The following SEMA5A variants were observed in gnomAD, a reference collection of about 807,000 sequenced individuals.
The protein encoded by SEMA5A is semaphorin 5A, also known as semaphorin-5A.
SEMA5A carries 55 observed loss-of-function variants against 135.5 expected under a neutral mutation model. That is an observed-to-expected ratio of 0.41 (90% CI 0.33 to 0.51). The LOEUF is 0.51. Among genes scored for constraint, SEMA5A ranks in the 20% least tolerant of loss-of-function variants. The probability of loss-of-function intolerance (pLI) is 0.37; values close to 1 mark genes in which losing one functional copy is unlikely to be tolerated. For missense variants in SEMA5A, 1,290 were observed against 1,419.9 expected (o/e 0.91, Z 1.47); for synonymous variants, 580 against 546.5 (o/e 1.06, Z -0.85).
At chr5:9,435,037 G>C (rs540853710) in intron 2 of SEMA5A, among the ~76,000 whole-genome samples, 2 of 152,156 alleles carry the variant, frequency 1.3e-5, no homozygotes, top group African/African-American at 2.4e-5. Flanking sequence ...TAATAAAAAA[G>C]AAAAATTTAA....
chr5:9,358,936 C>T (rs545443510), intron 3 of SEMA5A, among the ~76,000 whole-genome samples: 1 of 137,804 alleles, frequency 7.3e-6, no homozygotes, highest in South Asian at 2.2e-4. Flanking sequence ...ATTCAAGGAG[C>T]AAAGCACTGG....
intron 2 of SEMA5A, among the ~76,000 whole-genome samples, chr5:9,384,140 T>C (rs759087753): frequency 1.3e-5 from 2 of 152,184 alleles, no homozygotes; most frequent in Non-Finnish European, 2.9e-5. Flanking sequence ...AGGGCATTCA[T>C]AGTCTTCATG....
chr5:9,340,883 C>A (rs1753617274), intron 3 of SEMA5A, among the ~76,000 whole-genome samples: 1 of 152,138 alleles, frequency 6.6e-6, no homozygotes, highest in African/African-American at 2.4e-5. Context: ...TGCACCAATA[C>A]CTATCCTCCC....
intron 2 of SEMA5A, among the ~76,000 whole-genome samples, chr5:9,433,433 C>T (rs1197632083): frequency 2.0e-5 from 3 of 151,416 alleles, no homozygotes; most frequent in Non-Finnish European, 2.9e-5. Flanking sequence ...AATGAAATAG[C>T]GGAAAAAACA....
chr5:9,074,189 C>G (rs1202771024), intron 16 of SEMA5A, among the ~76,000 whole-genome samples: 2 of 152,050 alleles, frequency 1.3e-5, no homozygotes, highest in Non-Finnish European at 2.9e-5. Context: ...AGGAATTGAC[C>G]CACCTGTTTA....
At chr5:9,383,611 G>C (rs1247446821) in intron 2 of SEMA5A, among the ~76,000 whole-genome samples, 1 of 152,140 alleles carries the variant, frequency 6.6e-6, no homozygotes, top group African/African-American at 2.4e-5. Flanking sequence ...GCACTGCCCT[G>C]TCATTATCTC....
Position 9,204,688 on chromosome 5 carries a change from G to A in SEMA5A, c.647-2448C>T, listed in dbSNP as rs185848726. ...TTCACATAACTAGCAGTGGGGGATGGGGATGGAAAGTCCTGAATCCATTAG... is the reference window on the plus strand; with the variant it reads ...TTCACATAACTAGCAGTGGGGGATGAGGATGGAAAGTCCTGAATCCATTAG... On this transcript the variant is annotated intron_variant, in intron 8 of 22. Transcript: ENST00000382496. This position sits in a 1 kb window ranked among gnomAD's most constrained non-coding sequence, Gnocchi z 6.4. 6.6e-6 allele frequency among the ~76,000 whole-genome samples: 1 copy of A among 152,242 alleles called. No homozygotes were observed. The highest frequency in any genetic ancestry group is 1.9e-4 in the East Asian group (1 of 5,166).
At chr5:9,453,412 G>A (rs536503178) in intron 1 of SEMA5A, among the ~76,000 whole-genome samples, 3 of 152,208 alleles carry the variant, frequency 2.0e-5, no homozygotes, top group African/African-American at 7.2e-5. Context: ...TTGCACTCTT[G>A]TACTTTTTGT....
At chr5:9,540,526 G>A (rs150863681) in intron 1 of SEMA5A, among the ~76,000 whole-genome samples, 10 of 152,188 alleles carry the variant, frequency 6.6e-5, no homozygotes, top group Non-Finnish European at 1.3e-4. Context: ...AAACCTAGGA[G>A]GCAGAGGTTG....
At chr5:9,385,135 C>T (rs1190532719) in intron 2 of SEMA5A, among the ~76,000 whole-genome samples, 1 of 152,154 alleles carries the variant, frequency 6.6e-6, no homozygotes, top group African/African-American at 2.4e-5. Context: ...CCTGAAACCC[C>T]TAAACTTCCT....
At chr5:9,159,625 AT>A (rs1743138746) in intron 11 of SEMA5A, among the ~76,000 whole-genome samples, 1 of 152,228 alleles carries the variant, frequency 6.6e-6, no homozygotes, top group Non-Finnish European at 1.5e-5. Flanking sequence ...CAGTTCAACC[AT>A]TGTGGAAGAC....
intron 3 of SEMA5A, among the ~76,000 whole-genome samples, chr5:9,358,985 T>C (rs1358410892): frequency 1.3e-5 from 2 of 152,152 alleles, no homozygotes; most frequent in Admixed American, 6.5e-5. Context: ...TGTGGGGCTA[T>C]GGAAAAACTC....
chr5:9,248,555 G>GA (rs1554009517), intron 5 of SEMA5A, among the ~76,000 whole-genome samples: 507 of 20,802 alleles, frequency 0.024, 8 homozygotes, highest in African/African-American at 0.039. Context: ...AACTCATACG[G>GA]CAAAAAAAAA....
At chr5:9,245,987 TAG>T (rs1610875) in intron 5 of SEMA5A, among the ~76,000 whole-genome samples, 2 of 151,866 alleles carry the variant, frequency 1.3e-5, no homozygotes, top group African/African-American at 4.8e-5. Flanking sequence ...AGAAGAACAT[TAG>T]AGAGAGAGAA....
At chr5:9,446,252 C>T (rs1340894806) in intron 1 of SEMA5A, among the ~76,000 whole-genome samples, 1 of 152,108 alleles carries the variant, frequency 6.6e-6, no homozygotes, top group East Asian at 1.9e-4. Flanking sequence ...GTAAACACTT[C>T]CTATTTCATT....
chr5:9,290,835 C>A (rs554667647), intron 5 of SEMA5A, among the ~76,000 whole-genome samples: 1 of 152,094 alleles, frequency 6.6e-6, no homozygotes, highest in South Asian at 2.1e-4. Flanking sequence ...TCTTTCCCAC[C>A]TCATTTCAAA....
At chr5:9,049,001 C>T (rs1488539220) in intron 21 of SEMA5A, among the ~76,000 whole-genome samples, 2 of 152,014 alleles carry the variant, frequency 1.3e-5, no homozygotes, top group African/African-American at 2.4e-5. Context: ...GCTGGGACTG[C>T]GTGGGTGCCC....
chr5:9,159,177 T>C (rs765303780), intron 11 of SEMA5A, among the ~76,000 whole-genome samples: 8 of 152,216 alleles, frequency 5.3e-5, no homozygotes, highest in African/African-American at 7.2e-5. Context: ...TATTGAGTTT[T>C]AGAGAACAGA....
At chr5:9,249,770 C>T (rs1358229610) in intron 5 of SEMA5A, among the ~76,000 whole-genome samples, 1 of 152,098 alleles carries the variant, frequency 6.6e-6, no homozygotes, top group Non-Finnish European at 1.5e-5. Flanking sequence ...GAGGTCAAGG[C>T]TTGAGCTGGA....
Sources: gnomAD v4.1 joint callset for allele counts (sites outside exome capture counted in the v4.1 genomes callset) on GRCh38, gnomAD v4.1.1 for gene constraint, Gnocchi (gnomAD v3.1) non-coding constraint, MANE v1.5 for transcripts, NCBI Gene and HGNC (gene_info 2026-07-23, HGNC 2026-07-21) for gene names.